DYNLT1: variants seen among roughly 807,000 people sequenced by gnomAD.
DYNLT1 encodes the protein dynein light chain Tctex-type 1, also known as T-complex testis-specific protein 1 homolog.
In DYNLT1, 18 loss-of-function variants were observed where a neutral mutation model predicts 19.6. The ratio of observed to expected loss-of-function variants is 0.92; its 90% confidence interval spans 0.64 to 1.36. The LOEUF (loss-of-function observed/expected upper bound fraction) is 1.36, where lower values mean the gene tolerates loss of function less well. Ranked by LOEUF, DYNLT1 falls within the 40% of genes most tolerant of loss-of-function variation. The pLI, the probability that DYNLT1 is intolerant of heterozygous loss-of-function variation, is 0.00. For synonymous variants in DYNLT1, 56 were observed against 44.0 expected, an observed-to-expected ratio of 1.27 and a Z score of -1.07; for missense variants, 137 against 139.3, an observed-to-expected ratio of 0.98 and a Z score of 0.08.
At chr6:158,638,066 G>A (rs1787056058) in intron 2 of DYNLT1, among the ~76,000 whole-genome samples, 172 bp from the exon 3 acceptor site, 1 of 152,114 alleles carries the variant, frequency 6.6e-6, no homozygotes, top group South Asian at 2.1e-4. Context: ...AAATAAGTTT[G>A]AAATTTGCTT....
At chr6:158,638,899 T>A (rs1463235087) in intron 2 of DYNLT1, among the ~76,000 whole-genome samples, 2 of 152,256 alleles carry the variant, frequency 1.3e-5, no homozygotes, top group Non-Finnish European at 2.9e-5. Flanking sequence ...TTTTTCATTG[T>A]CAGCTCCCCT....
At chr6:158,639,869 C>T (rs554488524) in intron 2 of DYNLT1, among the ~76,000 whole-genome samples, 110 of 152,076 alleles carry the variant, frequency 7.2e-4, no homozygotes, top group Non-Finnish European at 1.0e-3. Flanking sequence ...TTAGTAGAGA[C>T]GGGGTTTCAC....
rs1259635588 is a variant in DYNLT1, at chr6:158,637,128, C to T, written c.271G>A (p.Gly91Arg). The T allele has an allele frequency of 9.9e-6, 16 of 1,614,054 alleles. No individual in the cohort carries two copies. The highest frequency in any genetic ancestry group is 6.7e-5 in the East Asian group (3 of 44,896). ...SSCFWDSSTD[G>R]SCTVRWENKT... is the part of the protein sequence containing the mutation. ...TCACAAACATGAATGAAAATCATAC[C>T]GTCAGTAGAGCTGTCCCAGAAGCAG... Residue 91 changes from glycine to arginine, a missense_variant and splice_region_variant, in exon 4 of 5, where the codon GGG becomes AGG. Gly to Arg is a moderately radical substitution (Grantham distance 125). Coordinates refer to ENST00000367089, the MANE Select transcript of DYNLT1 (RefSeq NM_006519.4).
At chr6:158,643,482 C>CT (rs927437526) in intron 1 of DYNLT1, among the ~76,000 whole-genome samples, 49 of 151,136 alleles carry the variant, frequency 3.2e-4, no homozygotes, top group Admixed American at 1.4e-3. Context: ...AAATTTTTTT[C>CT]TTTTTTTTTG....
At chr6:158,643,104 G>A (rs1413517256) in intron 1 of DYNLT1, among the ~76,000 whole-genome samples, 1 of 152,198 alleles carries the variant, frequency 6.6e-6, no homozygotes, top group African/African-American at 2.4e-5. Flanking sequence ...ATATGCGATT[G>A]AGATCTCGAA....
intron 3 of DYNLT1, 189 bp downstream of exon 3, chr6:158,637,581 AT>A (rs1787039036): frequency 8.5e-6 from 7 of 820,254 alleles, no homozygotes; most frequent in Non-Finnish European, 1.4e-5. Flanking sequence ...CCCGCTTCAC[AT>A]ACGATCTGCA....
chr6:158,641,756 G>A, intron 1 of DYNLT1: 1 of 154,106 alleles, frequency 6.5e-6, no homozygotes, highest in South Asian at 2.0e-4. Flanking sequence ...ATTTTTAGTA[G>A]AGATGGGGTT....
At chr6:158,637,955 T>A in intron 2 of DYNLT1, 61 bp from the exon 3 acceptor site, 1 of 1,588,236 alleles carries the variant, frequency 6.3e-7, no homozygotes, top group Non-Finnish European at 8.5e-7. Flanking sequence ...CACCTTTCAA[T>A]CAGGAACTGA....
intron 3 of DYNLT1, 183 bp downstream of exon 3, chr6:158,637,588 C>A: frequency 1.2e-6 from 1 of 856,964 alleles, no homozygotes; most frequent in Non-Finnish European, 1.9e-6. Flanking sequence ...CACATACGAT[C>A]TGCAATTGTA....
In DYNLT1 at chr6:158,641,325, T is replaced by C. The variant is rs374750286; in HGVS notation, c.63A>G (p.Val21=). The C allele has an allele frequency of 3.1e-6, 5 of 1,595,582 alleles. No homozygotes were observed. The highest frequency in any genetic ancestry group is 4.3e-6 in the Non-Finnish European group (5 of 1,174,108). ...TGAGCATTTCTCCTCTTACCTCTTT[T>C]ACAATGTTGCTCACTTCATCAACAA... ...AFVVDEVSNI[V]KEAIESAIGG... The change falls in exon 2 of 5, where the codon GTA becomes GTG. Residue 21 remains valine, a synonymous_variant. Transcript: ENST00000367089.
rs1032656193 is a variant in DYNLT1, at chr6:158,641,469, A to G, written c.28-109T>C. The G allele has an allele frequency of 1.8e-5, 17 of 951,740 alleles. No homozygotes were observed. The African/African-American group carries it at 2.9e-4, about 16-fold the overall frequency. The allele number at this position is 951,740 out of a possible 1,614,324, so 59.0% of individuals were successfully genotyped here. On this transcript the variant is annotated intron_variant, in intron 1 of 4. Transcript: ENST00000367089. ...CATAATGTAGAAATGAAGACCTTAG[A>G]AATAATCTAACTAGACTGTTCAGCT...
chr6:158,640,035 G>C (rs771114602), intron 2 of DYNLT1, among the ~76,000 whole-genome samples: 2 of 152,174 alleles, frequency 1.3e-5, no homozygotes, highest in Non-Finnish European at 2.9e-5. Context: ...CCAAGTCAAA[G>C]ATAAGGCAGA....
At chr6:158,641,518 T>C in intron 1 of DYNLT1, 158 bp from the exon 2 acceptor site, 1 of 495,882 alleles carries the variant, frequency 2.0e-6, no homozygotes, top group Non-Finnish European at 3.5e-6. Flanking sequence ...CATTACAGTC[T>C]TCAGAAACCA....
chr6:158,642,755 C>T (rs1296842782), intron 1 of DYNLT1: 2 of 152,206 alleles, frequency 1.3e-5, no homozygotes, highest in Non-Finnish European at 2.9e-5. Context: ...AGGAAAGGCA[C>T]TGTATCACCT....
rs767442716 is a variant in DYNLT1 at position 158,639,829 on chromosome 6, C to T, written c.69+1490G>A. ...CCAAGGAGCTGGGACTACAGGCATG[C>T]GCCACCAAGCCTGGCTTATTTTTGT... On this transcript the variant is annotated intron_variant, in intron 2 of 4. Coordinates refer to ENST00000367089, the MANE Select transcript of DYNLT1 (RefSeq NM_006519.4). 7.2e-5 allele frequency among the ~76,000 whole-genome samples: 11 copies of T among 152,120 alleles called. No homozygotes were observed. The East Asian group carries it at 7.7e-4, about 11-fold the overall frequency.
chr6:158,636,909 A>C lies in DYNLT1; in HGVS notation c.272-12T>G, dbSNP rs761348249. The C allele has an allele frequency of 6.2e-7, 1 of 1,613,204 alleles. No homozygotes were observed. The highest frequency in any genetic ancestry group is 1.7e-5 in the Admixed American group (1 of 59,920). ...CACAGTGCAGCTCCCTGCGGGAGGG[A>C]AGAGAGCAGCATTTACGGCAGGGAA... On this transcript the variant is annotated splice_polypyrimidine_tract_variant and intron_variant, in intron 4 of 4. Transcript: ENST00000367089.
chr6:158,639,185 T>A (rs562013206), intron 2 of DYNLT1, among the ~76,000 whole-genome samples: 1 of 152,218 alleles, frequency 6.6e-6, no homozygotes, highest in South Asian at 2.1e-4. Context: ...CCTAGGTCAC[T>A]CTGATTTCTA....
At position 158,637,881 on chromosome 6, in the gene DYNLT1, G is replaced by A. The variant is rs1270647934; in HGVS notation, c.83C>T (p.Ala28Val). 2 of 1,603,636 alleles carry A rather than the reference G, an allele frequency of 1.2e-6. No homozygotes were observed. Among genetic ancestry groups the A allele is most frequent in the East Asian group, 2.2e-5 (1 of 44,872 alleles). ...GTGTTGATAAGCGTTACCACCAATT[G>A]CGCTTTCTATAGCCTAGAAAACAAA... ...SNIVKEAIES[A>V]IGGNAYQHSK... is the part of the protein sequence containing the mutation. Residue 28 changes from alanine to valine, a missense_variant, in exon 3 of 5, where the codon GCA becomes GTA. Ala to Val is a moderately conservative substitution (Grantham distance 64). Coordinates refer to ENST00000367089, the MANE Select transcript of DYNLT1 (RefSeq NM_006519.4).
chr6:158,640,459 T>C (rs1787112046), intron 2 of DYNLT1, among the ~76,000 whole-genome samples: 1 of 152,056 alleles, frequency 6.6e-6, no homozygotes, highest in Admixed American at 6.5e-5. Flanking sequence ...AGGAAAACTC[T>C]TTCTGGCTTC....
Sources: allele counts gnomAD v4.1 joint callset (sites outside exome capture counted in the v4.1 genomes callset), GRCh38; gene constraint gnomAD v4.1.1; transcripts MANE v1.5; gene names NCBI Gene and HGNC (gene_info 2026-07-23, HGNC 2026-07-21).